PHKB: variants seen among roughly 807,000 people sequenced by gnomAD.
PHKB encodes the protein phosphorylase kinase regulatory subunit beta.
A neutral mutation model predicts 152.1 loss-of-function variants in PHKB; 122 were observed. That is an observed-to-expected ratio of 0.80 (90% CI 0.69 to 0.93). The LOEUF (loss-of-function observed/expected upper bound fraction) is 0.93, where lower values mean the gene tolerates loss of function less well. Among genes scored for constraint, PHKB ranks in the 40% least tolerant of loss-of-function variants. The pLI is 0.00. For synonymous variants in PHKB, 436 were observed against 464.9 expected (o/e 0.94, Z 0.80); for missense variants, 1,304 against 1,328.4 (o/e 0.98, Z 0.29).
chr16:47,669,568 G>A (rs1479868492), intron 26 of PHKB, 151 bp downstream of exon 26: 2 of 716,218 alleles, frequency 2.8e-6, no homozygotes. Context: ...AATATCTGGG[G>A]GTATGAAAAA....
At chr16:47,576,902 A>G (rs1256061225) in intron 7 of PHKB, among the ~76,000 whole-genome samples, 1 of 151,924 alleles carries the variant, frequency 6.6e-6, no homozygotes, top group African/African-American at 2.4e-5. Flanking sequence ...TAACTCTGCA[A>G]ATCTCTTTCT....
At chr16:47,615,157 C>T (rs1302456523) in intron 14 of PHKB, among the ~76,000 whole-genome samples, 1 of 152,126 alleles carries the variant, frequency 6.6e-6, no homozygotes, top group Non-Finnish European at 1.5e-5. Context: ...CTCCTTATGC[C>T]ACTGGGTAGA....
chr16:47,468,745 C>T (rs1235939882), intron 1 of PHKB, among the ~76,000 whole-genome samples: 2 of 152,226 alleles, frequency 1.3e-5, no homozygotes, highest in Admixed American at 1.3e-4. Flanking sequence ...TTGCCTGCCC[C>T]TCTGACCTCC....
intron 1 of PHKB, among the ~76,000 whole-genome samples, chr16:47,490,531 G>C (rs1049658162): frequency 6.6e-5 from 10 of 152,170 alleles, no homozygotes; most frequent in African/African-American, 2.4e-4. Context: ...AAACATGTCA[G>C]ATGATCCTGT....
chr16:47,515,636 C>T (rs777459908), intron 6 of PHKB, 35 bp downstream of exon 6: 1 of 868,924 alleles, frequency 1.2e-6, no homozygotes. Context: ...TACTAAATTT[C>T]ACCTCTGAAA....
rs1973218170 is a variant in PHKB at position 47,650,558 on chromosome 16, C to T, written c.1812C>T (p.Phe604=). The T allele has an allele frequency of 6.2e-7, 1 of 1,601,004 alleles. No individual in the cohort carries two copies. Among genetic ancestry groups the T allele is most frequent in the South Asian group, 1.1e-5 (1 of 90,778 alleles). Residue 604 remains phenylalanine (F), a synonymous_variant, in exon 19 of 31, where the codon TTC becomes TTT. Coordinates refer to ENST00000323584, the MANE Select transcript of PHKB (RefSeq NM_000293.3). ...LIDDIKNALQ[F]IKQYWKMHGR... ...CTGTTTGACAGAATGCGCTGCAGTT[C>T]ATTAAACAATATTGGAAAATGCATG...
chr16:47,515,575 C>A lies in PHKB; in HGVS notation c.568C>A (p.Leu190Ile). ...CCTTGTGGAAATGATTTCCTCAGGACTCCAGATTATCTACAACACTGATGA... is the reference window on the plus strand; with the variant it reads ...CCTTGTGGAAATGATTTCCTCAGGAATCCAGATTATCTACAACACTGATGA... Reference protein sequence around the residue: ...LYLVEMISSGLQIIYNTDEVS... With the variant: ...LYLVEMISSGIQIIYNTDEVS... Residue 190 changes from leucine (L) to isoleucine (I), a missense_variant, in exon 6 of 31, where the codon CTC becomes ATC. Leu to Ile is a conservative substitution (Grantham distance 5, BLOSUM62 2). Coordinates refer to ENST00000323584, the MANE Select transcript of PHKB (RefSeq NM_000293.3). The A allele has an allele frequency of 6.8e-7, 1 of 1,471,850 alleles. No homozygotes were observed. Among genetic ancestry groups the A allele is most frequent in the Non-Finnish European group, 9.5e-7 (1 of 1,050,756 alleles). The allele number at this position is 1,471,850 out of a possible 1,614,324, so 91.2% of individuals were successfully genotyped here.
chr16:47,661,895 G>A (rs1567346138), intron 23 of PHKB, 95 bp downstream of exon 23: 35 of 839,742 alleles, frequency 4.2e-5, no homozygotes, highest in Non-Finnish European at 5.2e-5. Context: ...AATGTTACAA[G>A]TTATTTCCCC....
At chr16:47,517,199 C>T (rs904827571) in intron 6 of PHKB, among the ~76,000 whole-genome samples, 12 of 151,936 alleles carry the variant, frequency 7.9e-5, no homozygotes, top group Admixed American at 4.6e-4. Context: ...TTATGATAAC[C>T]GTTTACAATT....
intron 26 of PHKB, 74 bp downstream of exon 26, chr16:47,669,491 T>C (rs1338702853): frequency 7.7e-7 from 1 of 1,297,324 alleles, no homozygotes. Flanking sequence ...CCTCTCCAAG[T>C]GAAGCAATGT....
chr16:47,594,316 A>G, intron 12 of PHKB, 102 bp downstream of exon 12: 1 of 692,224 alleles, frequency 1.4e-6, no homozygotes, highest in Admixed American at 2.3e-5. Flanking sequence ...TTTGTATTAA[A>G]TTGAAAAAAA....
intron 20 of PHKB, among the ~76,000 whole-genome samples, chr16:47,654,568 A>G (rs1256841112): frequency 5.9e-5 from 9 of 152,232 alleles, no homozygotes; most frequent in Non-Finnish European, 7.4e-5. Context: ...TCCAACAATG[A>G]TAGACTGGAT....
In PHKB at chr16:47,682,174, C is replaced by G. The variant is rs541910916; in HGVS notation, c.2631-6867C>G. ...TCCCTTTGTGGGTTACCCGACCTTT[C>G]TCTCTGGCTGCCCTTAACATTTTTT... On this transcript the variant is annotated intron_variant, in intron 26 of 30. Transcript: ENST00000323584. Among the ~76,000 whole-genome samples, 7 of 152,336 alleles carry G rather than the reference C, an allele frequency of 4.6e-5. No individual in the cohort carries two copies. The East Asian group carries it at 9.6e-4, about 21-fold the overall frequency.
At chr16:47,658,383 C>G (rs578043128) in intron 20 of PHKB, among the ~76,000 whole-genome samples, 3 of 152,126 alleles carry the variant, frequency 2.0e-5, no homozygotes, top group East Asian at 1.9e-4. Flanking sequence ...TACTCCCCTG[C>G]CCTGGTACTC....
intron 16 of PHKB, among the ~76,000 whole-genome samples, chr16:47,647,956 T>C (rs927720839): frequency 2.0e-5 from 3 of 152,210 alleles, no homozygotes; most frequent in Non-Finnish European, 4.4e-5. Context: ...TAACCCTATC[T>C]TGGTGCCCCT....
intron 7 of PHKB, among the ~76,000 whole-genome samples, chr16:47,568,470 A>G (rs1188375650): frequency 6.6e-6 from 1 of 152,116 alleles, no homozygotes. Context: ...TATGTTTTCA[A>G]AGAACCAACC....
intron 27 of PHKB, among the ~76,000 whole-genome samples, chr16:47,689,708 T>A (rs1974026838): frequency 6.6e-6 from 1 of 152,350 alleles, no homozygotes; most frequent in East Asian, 1.9e-4. Context: ...TTAATGTAAG[T>A]ATTTAGGAAA....
intron 13 of PHKB, among the ~76,000 whole-genome samples, chr16:47,600,529 A>G (rs1972204076): frequency 6.6e-6 from 1 of 152,230 alleles, no homozygotes; most frequent in African/African-American, 2.4e-5. Flanking sequence ...GCTATTTGCA[A>G]AAATAAATAA....
intron 6 of PHKB, among the ~76,000 whole-genome samples, chr16:47,520,164 G>A (rs984108987): frequency 3.3e-5 from 5 of 152,114 alleles, no homozygotes; most frequent in Non-Finnish European, 2.9e-5. Context: ...CTTGTCATCA[G>A]TTTACACAGA....
Sources: gnomAD v4.1 joint callset for allele counts (sites outside exome capture counted in the v4.1 genomes callset) on GRCh38, gnomAD v4.1.1 for gene constraint, MANE v1.5 for transcripts, NCBI Gene and HGNC (gene_info 2026-07-23, HGNC 2026-07-21) for gene names.